The following NFATC2 variants were observed in gnomAD, a reference collection of about 807,000 sequenced individuals.
NFATC2 encodes the protein nuclear factor of activated T cells 2.
Under a neutral mutation model 87.3 loss-of-function variants are expected in NFATC2, and 22 were observed. That is an observed-to-expected ratio of 0.25 (90% confidence interval 0.18 to 0.36). The LOEUF is 0.36. Ranked by LOEUF, NFATC2 falls within the 10% of genes least tolerant of loss-of-function variation. The pLI is 1.00. For synonymous variants in NFATC2, 565 were observed against 542.2 expected, an observed-to-expected ratio of 1.04 and a Z score of -0.58; for missense variants, 1,149 against 1,259.1, an observed-to-expected ratio of 0.91 and a Z score of 1.32.
chr20:51,422,124 T>C (rs936177574), intron 9 of NFATC2, among the ~76,000 whole-genome samples: 2 of 152,220 alleles, frequency 1.3e-5, no homozygotes, highest in Non-Finnish European at 2.9e-5. Flanking sequence ...AGGCTTCAGA[T>C]GAAACCTATT....
At chr20:51,553,491 C>T (rs879584671) in intron 1 of NFATC2, among the ~76,000 whole-genome samples, 25 of 151,856 alleles carry the variant, frequency 1.6e-4, no homozygotes, top group South Asian at 8.3e-4. Context: ...CTGGCTAACA[C>T]GGTGAAACCC....
intron 6 of NFATC2, among the ~76,000 whole-genome samples, chr20:51,453,762 T>A (rs922526514): frequency 2.6e-5 from 4 of 152,098 alleles, no homozygotes; most frequent in Admixed American, 1.3e-4. Context: ...CTTTTTAATT[T>A]AAAAAAATGG....
At chr20:51,483,420 A>G (rs1206725399) in intron 3 of NFATC2, among the ~76,000 whole-genome samples, 2 of 152,240 alleles carry the variant, frequency 1.3e-5, no homozygotes, top group African/African-American at 4.8e-5. Flanking sequence ...GAAAGAAAGA[A>G]AAAGCCCAGG....
chr20:51,499,352 C>G (rs1178920575), intron 3 of NFATC2, among the ~76,000 whole-genome samples: 1 of 152,194 alleles, frequency 6.6e-6, no homozygotes, highest in Non-Finnish European at 1.5e-5. Flanking sequence ...CCGAGCCCAG[C>G]TCCCACACAG....
At chr20:51,414,759 G>A (rs1979795661) in intron 9 of NFATC2, among the ~76,000 whole-genome samples, 1 of 151,930 alleles carries the variant, frequency 6.6e-6, no homozygotes, top group South Asian at 2.1e-4. Flanking sequence ...CAAAGGTTTG[G>A]AGGCAAGAAA....
At position 51,398,637 on chromosome 20, in the gene NFATC2, G is replaced by T; in HGVS notation, c.*44+6C>A. On this transcript the variant is annotated splice_donor_region_variant and intron_variant, in intron 10 of 10. Transcript: ENST00000371564. The stretch of plus-strand genomic sequence containing the variant: ...AACAAAAGGAGAAGCAGAAGATATC[G>T]ATTACCTTTAACTTTGATTTCTCGG... 1 of 1,582,446 alleles carries T rather than the reference G, an allele frequency of 6.3e-7. No homozygotes were observed. Among genetic ancestry groups the T allele is most frequent in the Non-Finnish European group, 8.6e-7 (1 of 1,161,254 alleles).
At chr20:51,455,936 G>A (rs71338429) in intron 5 of NFATC2, among the ~76,000 whole-genome samples, 19 of 3,452 alleles carry the variant, frequency 5.5e-3, no homozygotes, top group Non-Finnish European at 9.1e-3. Context: ...GGGTGGGTGG[G>A]TAGATGGATG....
At chr20:51,545,378 G>T (rs2076880502), upstream of NFATC2, among the ~76,000 whole-genome samples, 1 of 152,164 alleles carries the variant, frequency 6.6e-6, no homozygotes, top group Non-Finnish European at 1.5e-5. Context: ...CAACCCAGCT[G>T]CCCCACCTTC....
chr20:51,473,198 T>C (rs542623096), intron 5 of NFATC2, among the ~76,000 whole-genome samples: 1 of 152,340 alleles, frequency 6.6e-6, no homozygotes, highest in South Asian at 2.1e-4. Context: ...TACAACCATC[T>C]GTCTGGGTGT....
chr20:51,432,396 A>G lies in NFATC2; in HGVS notation c.2393T>C (p.Leu798Pro). The change falls in exon 9 of 11, where the codon CTC (leucine) becomes CCC (proline). Residue 798 changes from leucine (L) to proline (P), a missense_variant. Physicochemically the swap from Leu to Pro is moderately conservative, Grantham distance 98. Transcript: ENST00000371564. This position sits in a 1 kb window ranked among gnomAD's most constrained non-coding sequence, Gnocchi z 4.6. ...CTGCTGGTTGGTCGGAGAGGGGTGG[A>G]GCAGGGCTGAGCTCTGGCCCTGGGA... is the stretch of plus-strand genomic sequence containing the variant. ...AGSQGQSSAL[L>P]HPSPTNQQAS... The G allele has an allele frequency of 5.6e-6, 9 of 1,603,276 alleles. No individual in the cohort carries two copies. Among genetic ancestry groups the G allele is most frequent in the Non-Finnish European group, 7.7e-6 (9 of 1,173,242 alleles).
chr20:51,391,646 G>C (rs558166574), intron 10 of NFATC2, among the ~76,000 whole-genome samples, 195 bp from the exon 11 acceptor site: 1 of 82,482 alleles, frequency 1.2e-5, no homozygotes, highest in East Asian at 3.7e-4. Context: ...GAGTAGCTGG[G>C]ACTACATACA....
rs1325623775 is a variant in NFATC2, at chr20:51,521,322, A to AT, written c.1160+1758dup. On this transcript the variant is annotated intron_variant, in intron 2 of 10. Coordinates refer to ENST00000371564, the MANE Select transcript of NFATC2 (RefSeq NM_012340.5). ...TTATCTATTTAGGTACTCAATTTTT[A>AT]TTTTTATTTTTTTTTTGAGGTGGAG... is the stretch of plus-strand genomic sequence containing the variant. 4.0e-5 allele frequency among the ~76,000 whole-genome samples: 6 copies of AT among 151,206 alleles called. No homozygotes were observed. In the South Asian group the frequency reaches 8.4e-4, roughly 21 times the overall value.
intron 2 of NFATC2, among the ~76,000 whole-genome samples, chr20:51,522,239 A>G (rs1050610939): frequency 5.4e-5 from 7 of 128,606 alleles, no homozygotes; most frequent in African/African-American, 2.1e-4. Flanking sequence ...ATTTTCTCAC[A>G]GGGAGTAAAC....
intron 9 of NFATC2, among the ~76,000 whole-genome samples, chr20:51,408,903 T>C (rs1978781745): frequency 1.3e-5 from 2 of 152,060 alleles, no homozygotes. Context: ...GGGGTGGAGG[T>C]GGGAATTTGC....
At chr20:51,559,710 ATC>A (rs1207719420) in intron 1 of NFATC2, among the ~76,000 whole-genome samples, 1 of 152,200 alleles carries the variant, frequency 6.6e-6, no homozygotes, top group African/African-American at 2.4e-5. Flanking sequence ...TGCCGTCACC[ATC>A]TAGGGCAGGA....
Position 51,523,255 on chromosome 20 carries a change from G to A in NFATC2, c.986C>T (p.Pro329Leu), listed in dbSNP as rs371747422. ...PPKMWKTSPDPSPVSAAPSKA... is the reference protein window; with the variant it reads ...PPKMWKTSPDLSPVSAAPSKA... Reference sequence around the variant, plus strand: ...GGATGGGGCGGCAGACACCGGCGAGGGGTCAGGGCTGGTCTTCCACATCTT... The same window carrying A: ...GGATGGGGCGGCAGACACCGGCGAGAGGTCAGGGCTGGTCTTCCACATCTT... The change falls in exon 2 of 11, where the codon CCC (proline) becomes CTC (leucine). Residue 329 changes from proline to leucine, a missense_variant. Around this residue, in one of 3 missense-constraint regions of NFATC2, gnomAD observed 563 missense variants for 585.2 expected, o/e 0.96. Coordinates refer to ENST00000371564, the MANE Select transcript of NFATC2 (RefSeq NM_012340.5). This position sits in a 1 kb window ranked among gnomAD's most constrained non-coding sequence, Gnocchi z 6.9. 3.5e-5 allele frequency: 57 copies of A among 1,613,614 alleles called. No individual in the cohort carries two copies. The highest frequency in any genetic ancestry group is 4.4e-5 in the Non-Finnish European group (52 of 1,179,764).
At chr20:51,412,989 T>A (rs1383996469) in intron 9 of NFATC2, among the ~76,000 whole-genome samples, 1 of 3,954 alleles carries the variant, frequency 2.5e-4, no homozygotes, top group African/African-American at 1.3e-3. Flanking sequence ...CATCCCCCGC[T>A]CCCGCCGCCC....
chr20:51,404,860 A>G (rs533306403), intron 9 of NFATC2, among the ~76,000 whole-genome samples: 1 of 152,268 alleles, frequency 6.6e-6, no homozygotes, highest in Admixed American at 6.5e-5. Flanking sequence ...TCTGCAAACC[A>G]GAGGCCTCCG....
chr20:51,398,485 T>TTCAGGAGTGGAGGGGTCTAGCCC (rs911307092), intron 10 of NFATC2, among the ~76,000 whole-genome samples, 158 bp downstream of exon 10: 3 of 151,924 alleles, frequency 2.0e-5, no homozygotes, highest in Non-Finnish European at 4.4e-5. Flanking sequence ...GAGTGTCCAC[T>TTCAGGAGTGGAGGGGTCTAGCCC]TCAGGAGTGG....
Sources: allele counts gnomAD v4.1 joint callset (sites outside exome capture counted in the v4.1 genomes callset), GRCh38; gene constraint gnomAD v4.1.1; regional missense constraint gnomAD v4.1.1; non-coding constraint Gnocchi (gnomAD v3.1); transcripts MANE v1.5; gene names NCBI Gene and HGNC (gene_info 2026-07-23, HGNC 2026-07-21).